The following OPHN1 variants were observed in gnomAD, a reference collection of about 807,000 sequenced individuals.
OPHN1 encodes oligophrenin-1.
OPHN1 carries 11 observed loss-of-function variants against 60.7 expected under a neutral mutation model. That is an observed-to-expected ratio of 0.18 (90% CI 0.11 to 0.30). OPHN1 has a LOEUF of 0.30. Among genes scored for constraint, OPHN1 ranks in the 10% least tolerant of loss-of-function variants. The pLI, the probability that OPHN1 is intolerant of heterozygous loss-of-function variation, is 1.00. For synonymous variants in OPHN1, 226 were observed against 222.6 expected (o/e 1.02, Z -0.14); for missense variants, 449 against 611.0 (o/e 0.73, Z 2.80).
At chrX:68,356,452 T>A (rs955739201) in intron 2 of OPHN1, among the ~76,000 whole-genome samples, 10 of 110,142 alleles carry the variant, frequency 9.1e-5, no homozygotes, top group Non-Finnish European at 1.9e-4. Flanking sequence ...TCACTCTGTT[T>A]CCCAGGCTGG....
At chrX:68,206,717 G>A (rs775650401) in intron 9 of OPHN1, 44 bp from the exon 10 acceptor site, 10 of 979,589 alleles carry the variant, frequency 1.0e-5, no homozygotes, top group Non-Finnish European at 1.5e-5. Flanking sequence ...AACTATTTTA[G>A]CTGTATAGGA....
intron 4 of OPHN1, among the ~76,000 whole-genome samples, chrX:68,277,135 T>C (rs1329440230): frequency 8.9e-6 from 1 of 112,068 alleles, no homozygotes. Flanking sequence ...TGGAAGACAA[T>C]TTTTCAATGG....
intron 6 of OPHN1, among the ~76,000 whole-genome samples, chrX:68,218,227 G>C (rs1351362965): frequency 9.3e-6 from 1 of 107,003 alleles, no homozygotes; most frequent in Non-Finnish European, 1.9e-5. Flanking sequence ...GAAGTTTAGA[G>C]AAAAAAGAAT....
chrX:68,200,468 G>A, intron 11 of OPHN1, among the ~76,000 whole-genome samples: 1 of 111,321 alleles, frequency 9.0e-6, no homozygotes, highest in Middle Eastern at 4.6e-3. Flanking sequence ...TGCAAAAAAG[G>A]GAAGCCACAG....
intron 5 of OPHN1, among the ~76,000 whole-genome samples, chrX:68,266,869 T>A (rs756328024): frequency 1.6e-3 from 176 of 110,085 alleles, no homozygotes; most frequent in African/African-American, 5.3e-3. Context: ...AAAAGCAGGG[T>A]TTGCAATCCT....
At chrX:68,245,233 A>C (rs1003149387) in intron 5 of OPHN1, among the ~76,000 whole-genome samples, 1 of 111,313 alleles carries the variant, frequency 9.0e-6, no homozygotes, top group African/African-American at 3.3e-5. Context: ...TACCAAGTAT[A>C]AACTCTTTAG....
At chrX:68,287,060 AAAGG>A (rs1221261845) in intron 3 of OPHN1, among the ~76,000 whole-genome samples, 1 of 103,133 alleles carries the variant, frequency 9.7e-6, no homozygotes, top group Non-Finnish European at 2.0e-5. Flanking sequence ...AGAAATTAAG[AAAGG>A]AAGAAAGGAA....
Position 68,096,863 on chromosome X carries a change from T to C in OPHN1, c.1686+7A>G, listed in dbSNP as rs1204175995. 8.3e-7 allele frequency: 1 copy of C among 1,207,023 alleles called. No individual in the cohort carries two copies. The highest frequency in any genetic ancestry group is 2.2e-5 in the Admixed American group (1 of 45,613). On this transcript the variant is annotated splice_region_variant and intron_variant, in intron 19 of 24. Coordinates refer to ENST00000355520, the MANE Select transcript of OPHN1 (RefSeq NM_002547.3). ...GAAGACAGGTAGTGAGAATAGAAAATGCATACCTTGCCAAAGTGCTCGATT... is the reference window on the plus strand; with the variant it reads ...GAAGACAGGTAGTGAGAATAGAAAACGCATACCTTGCCAAAGTGCTCGATT...
At chrX:68,389,872 T>C (rs1474081185) in intron 2 of OPHN1, among the ~76,000 whole-genome samples, 1 of 111,274 alleles carries the variant, frequency 9.0e-6, no homozygotes, top group African/African-American at 3.3e-5. Context: ...GTATGTCTAT[T>C]AGTCTGTTCT....
chrX:68,053,882 A>G (rs759456901), intron 21 of OPHN1, 72 bp from the exon 22 acceptor site: 7 of 1,087,620 alleles, frequency 6.4e-6, no homozygotes, highest in Admixed American at 2.5e-5. Flanking sequence ...CAGGCACCCA[A>G]TATGAGAGTT....
At chrX:68,092,003 A>T (rs963990942) in intron 19 of OPHN1, among the ~76,000 whole-genome samples, 16 of 111,652 alleles carry the variant, frequency 1.4e-4, no homozygotes, top group African/African-American at 4.9e-4. Context: ...TTAAAAAAAA[A>T]TTTTAAGCAA....
intron 11 of OPHN1, among the ~76,000 whole-genome samples, chrX:68,200,048 A>T (rs182553182): frequency 1.8e-5 from 2 of 112,382 alleles, no homozygotes; most frequent in African/African-American, 6.5e-5. Flanking sequence ...CACCATCTCA[A>T]AACAAACAAA....
At chrX:68,352,380 G>T in intron 2 of OPHN1, among the ~76,000 whole-genome samples, 1 of 106,198 alleles carries the variant, frequency 9.4e-6, no homozygotes, top group South Asian at 4.1e-4. Context: ...AAAACACCCA[G>T]CCCTCCTCAA....
chrX:68,415,140 CTCTT>C (rs2078787842), intron 2 of OPHN1, among the ~76,000 whole-genome samples: 1 of 111,492 alleles, frequency 9.0e-6, no homozygotes, highest in African/African-American at 3.3e-5. Context: ...CCTCTCAAGA[CTCTT>C]TCTAATATTG....
chrX:68,358,872 G>A (rs192318868), intron 2 of OPHN1, among the ~76,000 whole-genome samples: 31 of 111,653 alleles, frequency 2.8e-4, no homozygotes, highest in Non-Finnish European at 5.6e-4. Flanking sequence ...CAAATCACAC[G>A]ACTGTTAAGC....
At chrX:68,288,215 C>A (rs1050069126) in intron 3 of OPHN1, among the ~76,000 whole-genome samples, 1 of 111,378 alleles carries the variant, frequency 9.0e-6, no homozygotes, top group African/African-American at 3.3e-5. Flanking sequence ...CTATCTTAGT[C>A]CAACTATGTC....
rs147552474 is a variant in OPHN1, at chrX:68,121,627, T to C, written c.1277-2295A>G. ...TAAGCCACAAGGACTGCAACTCTTA[T>C]ATTAGTCCTAGTGTTGAACTGGGCT... On this transcript the variant is annotated intron_variant, in intron 15 of 24. Transcript: ENST00000355520. Among the ~76,000 whole-genome samples, 254 of 109,843 alleles carry C rather than the reference T, an allele frequency of 2.3e-3. 2 individuals carry two copies. The highest frequency in any genetic ancestry group is 8.0e-3 in the African/African-American group (242 of 30,266).
At chrX:68,193,498 A>C (rs1432582388) in intron 14 of OPHN1, among the ~76,000 whole-genome samples, 1 of 111,698 alleles carries the variant, frequency 9.0e-6, no homozygotes, top group Non-Finnish European at 1.9e-5. Context: ...CTCAGAAGGA[A>C]ACCAGGGAGT....
At chrX:68,166,405 G>A (rs2077358540) in intron 15 of OPHN1, among the ~76,000 whole-genome samples, 1 of 110,171 alleles carries the variant, frequency 9.1e-6, no homozygotes, top group Non-Finnish European at 1.9e-5. Context: ...GTGGTGGCGG[G>A]CGCCTGTAAT....
Sources: gnomAD v4.1 joint callset for allele counts (sites outside exome capture counted in the v4.1 genomes callset) on GRCh38, gnomAD v4.1.1 for gene constraint, MANE v1.5 for transcripts, NCBI Gene and HGNC (gene_info 2026-07-23, HGNC 2026-07-21) for gene names.